Variants in PCDHGA4 observed in about 807,000 individuals in gnomAD.
PCDHGA4 encodes protocadherin gamma subfamily A, 4.
PCDHGA4 carries 38 observed loss-of-function variants against 54.6 expected under a neutral mutation model. That is an observed-to-expected ratio of 0.70 (90% CI 0.54 to 0.91). PCDHGA4 has a LOEUF of 0.91. Ranked by LOEUF, PCDHGA4 falls within the 40% of genes least tolerant of loss-of-function variation. The pLI, the probability that PCDHGA4 is intolerant of heterozygous loss-of-function variation, is 0.00. For synonymous variants in PCDHGA4, 511 were observed against 512.9 expected (o/e 1.00, Z 0.05); for missense variants, 1,298 against 1,220.9 (o/e 1.06, Z -0.94).
At chr5:141,484,876 A>C in intron 1 of PCDHGA4, 1 of 315,240 alleles carries the variant, frequency 3.2e-6, no homozygotes, top group Non-Finnish European at 5.8e-6. Flanking sequence ...CGTGGAGGAT[A>C]GGGTGGGCTT....
At chr5:141,505,347 T>C in intron 2 of PCDHGA4, 46 bp from the exon 3 acceptor site, 4 of 1,613,346 alleles carry the variant, frequency 2.5e-6, no homozygotes, top group Non-Finnish European at 2.5e-6. Context: ...GGGCATGAGC[T>C]GTGCCGGCCT....
At chr5:141,452,524 C>T (rs542476667) in intron 1 of PCDHGA4, among the ~76,000 whole-genome samples, 83 of 152,294 alleles carry the variant, frequency 5.4e-4, no homozygotes, top group African/African-American at 1.9e-3. Flanking sequence ...CCCTCAAAAT[C>T]GTGAGTTCAT....
In PCDHGA4 at chr5:141,357,143, A is replaced by T. The variant is rs1650899741; in HGVS notation, c.2036A>T (p.Asp679Val). 1 of 1,613,420 alleles carries T rather than the reference A, an allele frequency of 6.2e-7. No individual in the cohort carries two copies. Among genetic ancestry groups the T allele is most frequent in the South Asian group, 1.1e-5 (1 of 91,080 alleles). ...LKQRLVVVVQ[D>V]HGQPPLSATV... ...CAGAGGCTTGTAGTGGTCGTCCAGG[A>T]CCATGGCCAGCCCCCTCTCTCGGCC... The change falls in exon 1 of 4, where the codon GAC becomes GTC. Residue 679 changes from aspartate to valine, a missense_variant. Transcript: ENST00000571252.
At chr5:141,464,278 G>GAAAA (rs2099080310) in intron 1 of PCDHGA4, among the ~76,000 whole-genome samples, 1 of 121,594 alleles carries the variant, frequency 8.2e-6, no homozygotes. Context: ...AAAAAAAAAA[G>GAAAA]CAAAAAAAAA....
intron 1 of PCDHGA4, chr5:141,478,544 C>G (rs1371505487): frequency 6.2e-7 from 1 of 1,605,660 alleles, no homozygotes; most frequent in Admixed American, 1.7e-5. Flanking sequence ...CCCTCCCGGA[C>G]AGGTAAGGTT....
chr5:141,403,729 C>G (rs1409756180), intron 1 of PCDHGA4: 1 of 1,613,896 alleles, frequency 6.2e-7, no homozygotes, highest in Non-Finnish European at 8.5e-7. Context: ...CCCCAGGCAC[C>G]TGGCTGCTTA....
intron 1 of PCDHGA4, among the ~76,000 whole-genome samples, chr5:141,465,048 AT>A (rs905091014): frequency 4.0e-5 from 6 of 151,346 alleles, no homozygotes; most frequent in African/African-American, 9.7e-5. Context: ...GACCCTATAT[AT>A]TTTTTTGAAT....
rs745516293 is a variant in PCDHGA4, at chr5:141,382,909, C to T, written c.2514+25288C>T. 11 of 1,546,196 alleles carry T rather than the reference C, an allele frequency of 7.1e-6. No homozygotes were observed. The South Asian group carries it at 1.4e-4, about 19-fold the overall frequency. On this transcript the variant is annotated intron_variant, in intron 1 of 3. Transcript: ENST00000571252. Reference sequence around the variant, plus strand: ...GAGAAGCAGGACGACTATGGCGGCTCAGCCGAGGGGCGGGGACTACAGAGG... The same window carrying T: ...GAGAAGCAGGACGACTATGGCGGCTTAGCCGAGGGGCGGGGACTACAGAGG...
At chr5:141,492,933 A>G (rs935580560) in intron 1 of PCDHGA4, among the ~76,000 whole-genome samples, 3 of 152,194 alleles carry the variant, frequency 2.0e-5, no homozygotes, top group Admixed American at 6.5e-5. Flanking sequence ...CTAGGGTCAG[A>G]GATTTGGAGG....
Position 141,486,902 on chromosome 5 carries a change from C to T in PCDHGA4, c.2515-7905C>T, listed in dbSNP as rs2099636761. On this transcript the variant is annotated intron_variant, in intron 1 of 3. Transcript: ENST00000571252. This position sits in a 1 kb window ranked among gnomAD's most constrained non-coding sequence, Gnocchi z 5.0. ...TCGGGCCCGGCCTGGTTCCTTATGT[C>T]CCCAAGCACTGCCTCCATCAGTTGG... 1 of 1,614,226 alleles carries T rather than the reference C, an allele frequency of 6.2e-7. No individual in the cohort carries two copies. The highest frequency in any genetic ancestry group is 8.5e-7 in the Non-Finnish European group (1 of 1,180,044).
intron 1 of PCDHGA4, chr5:141,441,118 G>C (rs1265461098): frequency 6.6e-6 from 1 of 152,212 alleles, no homozygotes; most frequent in Non-Finnish European, 1.5e-5. Flanking sequence ...CCAGTGTACA[G>C]TTGAGACCGA....
intron 1 of PCDHGA4, among the ~76,000 whole-genome samples, chr5:141,445,652 A>C (rs1307606419): frequency 6.6e-6 from 1 of 152,212 alleles, no homozygotes; most frequent in African/African-American, 2.4e-5. Context: ...TGAATAGATT[A>C]ATAGGATGAG....
chr5:141,404,879 G>C (rs770577946), intron 1 of PCDHGA4: 1 of 1,613,906 alleles, frequency 6.2e-7, no homozygotes, highest in Non-Finnish European at 8.5e-7. Flanking sequence ...ACAGAGCCTT[G>C]TGGTGGCTGT....
In PCDHGA4 at chr5:141,355,818, G is replaced by A; in HGVS notation, c.711G>A (p.Ala237=). 2 of 1,613,008 alleles carry A rather than the reference G, an allele frequency of 1.2e-6. No homozygotes were observed. The highest frequency in any genetic ancestry group is 1.1e-5 in the South Asian group (1 of 90,928). Residue 237 remains alanine (A), a synonymous_variant, in exon 1 of 4, where the codon GCG becomes GCA. Coordinates refer to ENST00000571252, the MANE Select transcript of PCDHGA4 (RefSeq NM_018917.4). ...LERALDREEE[A]VHHLVLTAFD... Reference sequence around the variant, plus strand: ...GCGCTCTAGATCGCGAGGAAGAGGCGGTTCACCACCTCGTTCTCACGGCCT... The same window carrying A: ...GCGCTCTAGATCGCGAGGAAGAGGCAGTTCACCACCTCGTTCTCACGGCCT...
At chr5:141,497,464 T>G (rs1277760390) in intron 2 of PCDHGA4, among the ~76,000 whole-genome samples, 1 of 151,764 alleles carries the variant, frequency 6.6e-6, no homozygotes, top group Non-Finnish European at 1.5e-5. Flanking sequence ...CTTGGAGATA[T>G]GGAGGAGAAG....
At chr5:141,380,579 G>A (rs892018372) in intron 1 of PCDHGA4, among the ~76,000 whole-genome samples, 1 of 152,134 alleles carries the variant, frequency 6.6e-6, no homozygotes, top group Non-Finnish European at 1.5e-5. Context: ...TATCTTGGCG[G>A]TCTAGTAAAG....
intron 1 of PCDHGA4, chr5:141,400,143 T>G: frequency 6.2e-7 from 1 of 1,614,104 alleles, no homozygotes; most frequent in Non-Finnish European, 8.5e-7. Context: ...CGGATATCAC[T>G]GACCGCCCTG....
In PCDHGA4 at chr5:141,486,005, A is replaced by G. The variant is rs1057476811; in HGVS notation, c.2515-8802A>G. On this transcript the variant is annotated intron_variant, in intron 1 of 3. Transcript: ENST00000571252. This position sits in a 1 kb window ranked among gnomAD's most constrained non-coding sequence, Gnocchi z 5.0. Reference sequence around the variant, plus strand: ...GGACCTGGGTCCCAGTGGTAACGTCACCTTTTATTTCAGTGGTCATACCCC... The same window carrying G: ...GGACCTGGGTCCCAGTGGTAACGTCGCCTTTTATTTCAGTGGTCATACCCC... 1.9e-6 allele frequency: 3 copies of G among 1,613,936 alleles called. No homozygotes were observed. The Admixed American group carries it at 5.0e-5, about 27-fold the overall frequency.
intron 1 of PCDHGA4, chr5:141,423,244 C>T: frequency 1.2e-6 from 2 of 1,613,984 alleles, no homozygotes; most frequent in Non-Finnish European, 1.7e-6. Context: ...CCCCGAAGTC[C>T]TGGCGGACCT....
Sources: allele counts gnomAD v4.1 joint callset (sites outside exome capture counted in the v4.1 genomes callset), GRCh38; gene constraint gnomAD v4.1.1; non-coding constraint Gnocchi (gnomAD v3.1); transcripts MANE v1.5; gene names NCBI Gene and HGNC (gene_info 2026-07-23, HGNC 2026-07-21).